C19orf53: variants seen among roughly 807,000 people sequenced by gnomAD.
C19orf53 encodes the protein chromosome 19 open reading frame 53, also known as leydig cell tumor 10 kDa protein homolog.
Under a neutral mutation model 6.5 loss-of-function variants are expected in C19orf53, and 9 were observed. The observed-to-expected ratio is 1.38, with a 90% CI of 0.83 to 2.40. The LOEUF is 2.40. C19orf53 is among the 30% of genes most tolerant of loss of function. The pLI, the probability that C19orf53 is intolerant of heterozygous loss-of-function variation, is 0.00. For missense variants in C19orf53, 166 were observed against 129.7 expected, an observed-to-expected ratio of 1.28 and a Z score of -1.36; for synonymous variants, 68 against 52.5, an observed-to-expected ratio of 1.29 and a Z score of -1.27.
intron 2 of C19orf53, among the ~76,000 whole-genome samples, chr19:13,777,193 A>G (rs1325661875): frequency 1.3e-5 from 2 of 151,634 alleles, no homozygotes; most frequent in African/African-American, 2.4e-5. Flanking sequence ...CTCAGGTGAT[A>G]TGCCTGCCTT....
chr19:13,774,757 TGGAACCCGGAGGACGGCGAGGGGG>T, intron 2 of C19orf53, 50 bp downstream of exon 2: 1 of 1,545,342 alleles, frequency 6.5e-7, no homozygotes, highest in Non-Finnish European at 8.8e-7. Context: ...TAGCGAGGGG[TGGAACCCGGAGGACGGCGAGGGGG>T]GATGGGTGGA....
rs148041466 is a variant in C19orf53 at position 13,778,278 on chromosome 19, T to C, written c.*80T>C. Reference sequence around the variant, plus strand: ...TTGCAAGTCATCCCACAGGCTGCACTGTCAGGAAGAGGACCCTGTCCCCCA... The same window carrying C: ...TTGCAAGTCATCCCACAGGCTGCACCGTCAGGAAGAGGACCCTGTCCCCCA... On this transcript the variant is annotated 3_prime_UTR_variant, in exon 3 of 3. Transcript: ENST00000588234. 9.6e-4 allele frequency: 1,387 copies of C among 1,447,920 alleles called. 13 individuals are homozygous for C. In the African/African-American group the frequency reaches 0.018, roughly 18 times the overall value. 89.7% of individuals were successfully genotyped at this position (1,447,920 alleles called of 1,614,324 possible). A position where few individuals can be genotyped will look rare whatever the true frequency, so the allele number is the denominator to read the frequency against.
intron 2 of C19orf53, 103 bp downstream of exon 2, chr19:13,774,810 G>C: frequency 7.0e-7 from 1 of 1,424,758 alleles, no homozygotes; most frequent in Non-Finnish European, 9.6e-7. Flanking sequence ...ATCAGTGAGG[G>C]GAGAGGGTGG....
chr19:13,774,494 G>GT lies in C19orf53; in HGVS notation c.17_18insT (p.Lys7GlnfsTer11). On this transcript the variant is annotated frameshift_variant, in exon 1 of 3. Transcript: ENST00000588234. LOFTEE classifies it high-confidence loss of function. ...TGCCGGACCATGGCGCAGGGGCAGC[G>GT]CAAGTTTCAGGCGCACAAACCCGCA... 4 of 1,610,310 alleles carry GT rather than the reference G, an allele frequency of 2.5e-6. No individual in the cohort carries two copies. Among genetic ancestry groups the GT allele is most frequent in the South Asian group, 1.1e-5 (1 of 90,692 alleles).
chr19:13,777,559 C>G (rs1363562628), intron 2 of C19orf53, among the ~76,000 whole-genome samples: 3 of 152,190 alleles, frequency 2.0e-5, no homozygotes, highest in Non-Finnish European at 2.9e-5. Flanking sequence ...CAGAGGCAGT[C>G]TGGGAAAGGC....
rs537387155 is a variant in C19orf53, at chr19:13,778,546, A to G, written c.*348A>G. On this transcript the variant is annotated 3_prime_UTR_variant, in exon 3 of 3. Coordinates refer to ENST00000588234, the MANE Select transcript of C19orf53 (RefSeq NM_014047.3). ...GACGTGGCCTGGCGTGCTCCACCCC[A>G]CCCCACCGCCTTTAGCAACCATGTG... 37 of 180,584 alleles carry G rather than the reference A, an allele frequency of 2.0e-4. No homozygotes were observed. Among genetic ancestry groups the G allele is most frequent in the African/African-American group, 8.7e-4 (37 of 42,634 alleles). The allele number at this position is 180,584 out of a possible 1,614,324, so 11.2% of individuals were successfully genotyped here. A position where few individuals can be genotyped will look rare whatever the true frequency, so the allele number is the denominator to read the frequency against.
chr19:13,774,646 C>G lies in C19orf53; in HGVS notation c.98-6C>G. ...CCCGGCCTCACGTGAGCACATCTTT[C>G]CCCAGGTCGTGTTATCGCTCCCAAG... On this transcript the variant is annotated splice_polypyrimidine_tract_variant and splice_region_variant and intron_variant, in intron 1 of 2. Coordinates refer to ENST00000588234, the MANE Select transcript of C19orf53 (RefSeq NM_014047.3). The G allele has an allele frequency of 6.2e-7, 1 of 1,611,262 alleles. No homozygotes were observed. Among genetic ancestry groups the G allele is most frequent in the Non-Finnish European group, 8.5e-7 (1 of 1,177,562 alleles).
rs764442701 is a variant in C19orf53 at position 13,774,489 on chromosome 19, G to C, written c.12G>C (p.Gly4=). ...CTGCGTGCCGGACCATGGCGCAGGG[G>C]CAGCGCAAGTTTCAGGCGCACAAAC... is the stretch of plus-strand genomic sequence containing the variant. The part of the protein sequence containing the change: MAQ[G]QRKFQAHKPA... Residue 4 remains glycine, a synonymous_variant, in exon 1 of 3, where the codon GGG becomes GGC. Coordinates refer to ENST00000588234, the MANE Select transcript of C19orf53 (RefSeq NM_014047.3). 2.5e-6 allele frequency: 4 copies of C among 1,608,078 alleles called. No individual in the cohort carries two copies. The highest frequency in any genetic ancestry group is 3.4e-6 in the Non-Finnish European group (4 of 1,177,430).
chr19:13,777,358 G>T (rs973201135), intron 2 of C19orf53, among the ~76,000 whole-genome samples: 1 of 152,020 alleles, frequency 6.6e-6, no homozygotes, highest in Admixed American at 6.6e-5. Flanking sequence ...CACCCAAACA[G>T]CTGAGACGAG....
At chr19:13,776,345 A>G (rs1386885006) in intron 2 of C19orf53, among the ~76,000 whole-genome samples, 1 of 151,418 alleles carries the variant, frequency 6.6e-6, no homozygotes, top group African/African-American at 2.4e-5. Context: ...ACCTGGTCCC[A>G]CCCACATCAT....
chr19:13,774,708 G>A lies in C19orf53; in HGVS notation c.153+1G>A, dbSNP rs1436926638. On this transcript the variant is annotated splice_donor_variant, in intron 2 of 2. Coordinates refer to ENST00000588234, the MANE Select transcript of C19orf53 (RefSeq NM_014047.3). LOFTEE classifies it high-confidence loss of function. ...CGTGCAGCAGCAAAAGCTCAAGAAG[G>A]TGTGCGGGGGCGAGAGATGGAGCCC... The A allele has an allele frequency of 6.3e-7, 1 of 1,599,460 alleles. No individual in the cohort carries two copies. Among genetic ancestry groups the A allele is most frequent in the African/African-American group, 1.3e-5 (1 of 74,678 alleles).
chr19:13,774,576 T>A lies in C19orf53; in HGVS notation c.97+2T>A. ...AGAATCGGGGCCCAAGAAAAGGCGG[T>A]AAGGAGCGGCCCGGGGACTTGGGGG... On this transcript the variant is annotated splice_donor_variant, in intron 1 of 2. Coordinates refer to ENST00000588234, the MANE Select transcript of C19orf53 (RefSeq NM_014047.3). LOFTEE classifies it high-confidence loss of function. 6.2e-7 allele frequency: 1 copy of A among 1,613,828 alleles called. No individual in the cohort carries two copies. Among genetic ancestry groups the A allele is most frequent in the South Asian group, 1.1e-5 (1 of 91,078 alleles).
At position 13,774,473 on chromosome 19, in the gene C19orf53, G is replaced by C; in HGVS notation, c.-5G>C. Reference sequence around the variant, plus strand: ...AGTCCCGCCTCTTCCGCTGCGTGCCGGACCATGGCGCAGGGGCAGCGCAAG... The same window carrying C: ...AGTCCCGCCTCTTCCGCTGCGTGCCCGACCATGGCGCAGGGGCAGCGCAAG... On this transcript the variant is annotated 5_prime_UTR_variant, in exon 1 of 3. Transcript: ENST00000588234. 6.3e-7 allele frequency: 1 copy of C among 1,598,546 alleles called. No individual in the cohort carries two copies. The highest frequency in any genetic ancestry group is 8.5e-7 in the Non-Finnish European group (1 of 1,172,902).
chr19:13,778,637 T>A lies in C19orf53; in HGVS notation c.*439T>A, dbSNP rs1417404352. On this transcript the variant is annotated 3_prime_UTR_variant, in exon 3 of 3. Transcript: ENST00000588234. ...CTGAGAGCCGGGAAAGAGTCTTTTC[T>A]CCATTTAACCCCGGGTGACTCACTC... Among the ~76,000 whole-genome samples the A allele has an allele frequency of 2.6e-5, 4 of 152,014 alleles. No individual in the cohort carries two copies. Among genetic ancestry groups the A allele is most frequent in the Non-Finnish European group, 5.9e-5 (4 of 68,014 alleles).
In C19orf53 at chr19:13,778,019, T is replaced by C. The variant is rs769549968; in HGVS notation, c.154-33T>C. 2.3e-5 allele frequency: 37 copies of C among 1,583,086 alleles called. No homozygotes were observed. The South Asian group carries it at 3.6e-4, about 16-fold the overall frequency. On this transcript the variant is annotated intron_variant, in intron 2 of 2. Transcript: ENST00000588234. The stretch of plus-strand genomic sequence containing the variant: ...GGTCAGGCCCTCTCTCAGCCCCAGG[T>C]CACAATCTGACTGCCCCGTGCTTCT...
intron 2 of C19orf53, among the ~76,000 whole-genome samples, chr19:13,776,765 CCCT>C (rs1333555060): frequency 1.3e-5 from 2 of 152,178 alleles, no homozygotes; most frequent in Non-Finnish European, 1.5e-5. Context: ...CTGTACCCAT[CCCT>C]CCTCACTCCT....
At chr19:13,777,087 G>T (rs1974378994) in intron 2 of C19orf53, among the ~76,000 whole-genome samples, 1 of 151,992 alleles carries the variant, frequency 6.6e-6, no homozygotes, top group South Asian at 2.1e-4. Flanking sequence ...GAGTAGCTGG[G>T]ATTACAGGCG....
In C19orf53 at chr19:13,778,663, C is replaced by A. The variant is rs1156562410; in HGVS notation, c.*465C>A. On this transcript the variant is annotated 3_prime_UTR_variant, in exon 3 of 3. Coordinates refer to ENST00000588234, the MANE Select transcript of C19orf53 (RefSeq NM_014047.3). The stretch of plus-strand genomic sequence containing the variant: ...CCATTTAACCCCGGGTGACTCACTC[C>A]CTGGCCAGTCCTCACCCCTGGGGAC... Among the ~76,000 whole-genome samples the A allele has an allele frequency of 6.6e-6, 1 of 152,164 alleles. No individual in the cohort carries two copies. The highest frequency in any genetic ancestry group is 1.5e-5 in the Non-Finnish European group (1 of 68,020).
rs974635876 is a variant in C19orf53 at position 13,778,438 on chromosome 19, A to C, written c.*240A>C. On this transcript the variant is annotated 3_prime_UTR_variant, in exon 3 of 3. Transcript: ENST00000588234. ...TCCTGCCTCCACAGGTTTAACCCAG[A>C]ACAATAAACCTGGCTTTGTCATCCC... 2.5e-6 allele frequency: 1 copy of C among 406,918 alleles called. No homozygotes were observed. The highest frequency in any genetic ancestry group is 4.3e-6 in the Non-Finnish European group (1 of 231,676). The allele number at this position is 406,918 out of a possible 1,614,324, so 25.2% of individuals were successfully genotyped here. A position where few individuals can be genotyped will look rare whatever the true frequency, so the allele number is the denominator to read the frequency against.
Sources: allele counts gnomAD v4.1 joint callset (sites outside exome capture counted in the v4.1 genomes callset), GRCh38; gene constraint gnomAD v4.1.1; transcripts MANE v1.5; gene names NCBI Gene and HGNC (gene_info 2026-07-23, HGNC 2026-07-21).